The following GRIN2A variants were observed in gnomAD, a reference collection of about 807,000 sequenced individuals.
GRIN2A encodes glutamate receptor ionotropic, NMDA 2A.
A neutral mutation model predicts 113.4 loss-of-function variants in GRIN2A; 22 were observed. The ratio of observed to expected loss-of-function variants is 0.19; its 90% CI spans 0.14 to 0.28. The LOEUF (loss-of-function observed/expected upper bound fraction) is 0.28, where lower values mean the gene tolerates loss of function less well. Among genes scored for constraint, GRIN2A ranks in the 10% least tolerant of loss-of-function variants. The pLI is 1.00. For synonymous variants in GRIN2A, 827 were observed against 738.4 expected (o/e 1.12, Z -1.94); for missense variants, 1,502 against 1,887.0 (o/e 0.80, Z 3.78).
At chr16:9,858,939 T>C (rs2043014455) in intron 4 of GRIN2A, among the ~76,000 whole-genome samples, 1 of 152,182 alleles carries the variant, frequency 6.6e-6, no homozygotes, top group Admixed American at 6.5e-5. Flanking sequence ...TATGAAATGC[T>C]TACAAGAGAC....
chr16:9,783,940 A>G (rs551146071), intron 11 of GRIN2A, among the ~76,000 whole-genome samples: 1 of 152,226 alleles, frequency 6.6e-6, no homozygotes, highest in Non-Finnish European at 1.5e-5. Flanking sequence ...AGACATATAG[A>G]AGGGAGCAAC....
intron 8 of GRIN2A, 133 bp downstream of exon 8, chr16:9,833,972 C>G: frequency 2.3e-6 from 2 of 875,032 alleles, no homozygotes; most frequent in South Asian, 2.7e-5. Context: ...CCACCTCGGT[C>G]TCCCAAAGTG....
At chr16:10,004,259 C>A (rs567377645) in intron 2 of GRIN2A, among the ~76,000 whole-genome samples, 1 of 151,780 alleles carries the variant, frequency 6.6e-6, no homozygotes, top group Admixed American at 6.6e-5. Context: ...CATGATGGTG[C>A]GCACCTGTAG....
chr16:9,832,314 C>G (rs1222129847), intron 8 of GRIN2A, among the ~76,000 whole-genome samples: 2 of 151,890 alleles, frequency 1.3e-5, no homozygotes, highest in Non-Finnish European at 2.9e-5. Flanking sequence ...TTTGCTGTTC[C>G]TTTTACATGA....
chr16:9,938,669 C>T (rs2044778885), intron 2 of GRIN2A, 118 bp from the exon 3 acceptor site: 3 of 740,458 alleles, frequency 4.1e-6, no homozygotes, highest in Admixed American at 2.0e-5. Context: ...GCAGACATTC[C>T]TGAGCATCTA....
At chr16:9,768,466 A>T (rs1901055071) in intron 12 of GRIN2A, among the ~76,000 whole-genome samples, 1 of 152,212 alleles carries the variant, frequency 6.6e-6, no homozygotes, top group South Asian at 2.1e-4. Context: ...TATTGACTCT[A>T]CATTCCCATA....
chr16:9,929,469 A>G lies in GRIN2A; in HGVS notation c.1007+8490T>C, dbSNP rs1315705229. Among the ~76,000 whole-genome samples, 4 of 152,104 alleles carry G rather than the reference A, an allele frequency of 2.6e-5. No individual in the cohort carries two copies. The East Asian group carries it at 5.8e-4, about 22-fold the overall frequency. On this transcript the variant is annotated intron_variant, in intron 3 of 12. Coordinates refer to ENST00000330684, the MANE Select transcript of GRIN2A (RefSeq NM_001134407.3). ...CATATTCATCTGTCAAGTCTTGTCA[A>G]TTTTATAGCCCAAATATGCATTAAG...
At chr16:9,939,619 T>C (rs1232295579) in intron 2 of GRIN2A, among the ~76,000 whole-genome samples, 1 of 152,172 alleles carries the variant, frequency 6.6e-6, no homozygotes, top group Non-Finnish European at 1.5e-5. Context: ...ATCCCCATAA[T>C]GATCCTACAA....
intron 4 of GRIN2A, among the ~76,000 whole-genome samples, chr16:9,883,755 G>A (rs183621433): frequency 2.6e-5 from 4 of 152,364 alleles, no homozygotes; most frequent in East Asian, 3.9e-4. Context: ...GAGGCCGTGA[G>A]ACAGATCTGG....
intron 2 of GRIN2A, among the ~76,000 whole-genome samples, chr16:9,961,567 G>A (rs2045443573): frequency 6.6e-6 from 1 of 152,146 alleles, no homozygotes; most frequent in Admixed American, 6.5e-5. Flanking sequence ...TTGGTGAGAA[G>A]GGAGCAAATA....
At chr16:9,962,350 C>T (rs1349648594) in intron 2 of GRIN2A, among the ~76,000 whole-genome samples, 2 of 151,536 alleles carry the variant, frequency 1.3e-5, no homozygotes, top group Non-Finnish European at 1.5e-5. Context: ...AGAAAATTTT[C>T]GCAACCTACT....
intron 2 of GRIN2A, among the ~76,000 whole-genome samples, chr16:10,138,440 G>A (rs563701124): frequency 2.1e-4 from 32 of 152,240 alleles, no homozygotes; most frequent in African/African-American, 5.5e-4. Context: ...CTCACACAGC[G>A]GAAGGATGGG....
chr16:10,149,063 G>C (rs2049507307), intron 2 of GRIN2A, among the ~76,000 whole-genome samples: 1 of 152,210 alleles, frequency 6.6e-6, no homozygotes, highest in Non-Finnish European at 1.5e-5. Context: ...ATGGTTACCA[G>C]AGGCTGGAAA....
intron 3 of GRIN2A, among the ~76,000 whole-genome samples, chr16:9,900,268 G>A (rs985997738): frequency 2.0e-5 from 3 of 152,208 alleles, no homozygotes; most frequent in Non-Finnish European, 4.4e-5. Context: ...ACCCCAAGGA[G>A]AGAGGAGGAG....
chr16:9,852,504 G>T (rs570688576), intron 4 of GRIN2A, among the ~76,000 whole-genome samples: 26 of 152,272 alleles, frequency 1.7e-4, no homozygotes, highest in African/African-American at 6.0e-4. Context: ...AGCCCCCAGA[G>T]TGCAATAACT....
At chr16:10,111,525 G>C in intron 2 of GRIN2A, 1 of 743,560 alleles carries the variant, frequency 1.3e-6, no homozygotes, top group Non-Finnish European at 2.4e-6. Context: ...TAGCTGATGA[G>C]GTAGACCTAA....
At chr16:10,164,771 C>G (rs2049876836) in intron 2 of GRIN2A, among the ~76,000 whole-genome samples, 1 of 152,108 alleles carries the variant, frequency 6.6e-6, no homozygotes, top group Non-Finnish European at 1.5e-5. Context: ...TGAGAAATAT[C>G]AAAGCAGTTA....
chr16:10,067,165 A>G (rs2047665686), intron 2 of GRIN2A, among the ~76,000 whole-genome samples: 1 of 152,118 alleles, frequency 6.6e-6, no homozygotes, highest in South Asian at 2.1e-4. Flanking sequence ...TTCATCCCCT[A>G]TGCTTTAAAA....
chr16:10,148,506 G>T (rs867710433), intron 2 of GRIN2A, among the ~76,000 whole-genome samples: 1 of 152,130 alleles, frequency 6.6e-6, no homozygotes, highest in South Asian at 2.1e-4. Flanking sequence ...CCTGAGCTCC[G>T]TGTTCACAGA....
Sources: allele counts gnomAD v4.1 joint callset (sites outside exome capture counted in the v4.1 genomes callset), GRCh38; gene constraint gnomAD v4.1.1; transcripts MANE v1.5; gene names NCBI Gene and HGNC (gene_info 2026-07-23, HGNC 2026-07-21).